The following CEP89 variants were observed in gnomAD, a reference collection of about 807,000 sequenced individuals.
CEP89 encodes the protein centrosomal protein 89.
Under a neutral mutation model 97.6 loss-of-function variants are expected in CEP89, and 95 were observed. The ratio of observed to expected loss-of-function variants is 0.97; its 90% CI spans 0.82 to 1.15. The LOEUF is 1.15. Among genes scored for constraint, CEP89 ranks in the 50% most tolerant of loss-of-function variants. CEP89 has a pLI of 0.00. For synonymous variants in CEP89, 354 were observed against 349.1 expected (o/e 1.01, Z -0.16); for missense variants, 869 against 947.7 (o/e 0.92, Z 1.09).
chr19:32,919,733 T>C (rs1286716101), intron 12 of CEP89, among the ~76,000 whole-genome samples: 2 of 152,164 alleles, frequency 1.3e-5, no homozygotes, highest in Non-Finnish European at 2.9e-5. Context: ...GGTGAAATCT[T>C]GGCCCACTGC....
intron 7 of CEP89, among the ~76,000 whole-genome samples, chr19:32,935,892 C>T (rs1016573700): frequency 6.6e-6 from 1 of 152,332 alleles, no homozygotes; most frequent in African/African-American, 2.4e-5. Context: ...CCTGATCCCA[C>T]TGCCTGGCTT....
At chr19:32,959,423 C>T (rs545769320) in intron 3 of CEP89, among the ~76,000 whole-genome samples, 1 of 152,190 alleles carries the variant, frequency 6.6e-6, no homozygotes, top group East Asian at 1.9e-4. Context: ...TCAGCTCAAA[C>T]CCAGGACAAG....
Position 32,906,732 on chromosome 19 carries a change from C to CATATA in CEP89, c.1566-5321_1566-5320insTATAT, listed in dbSNP as rs1367275579. ...TCATATATAGATATATATATAAATACTAATAGTTACATATATAAATATATA... is the reference window on the plus strand; with the variant it reads ...TCATATATAGATATATATATAAATACATATATAATAGTTACATATATAAATATATA... On this transcript the variant is annotated intron_variant, in intron 14 of 18. Transcript: ENST00000305768. Among the ~76,000 whole-genome samples, 8 of 148,950 alleles carry CATATA rather than the reference C, an allele frequency of 5.4e-5. No individual in the cohort carries two copies. In the South Asian group the frequency reaches 1.7e-3, roughly 31 times the overall value.
At chr19:32,931,324 C>A in intron 9 of CEP89, 105 bp downstream of exon 9, 1 of 1,076,636 alleles carries the variant, frequency 9.3e-7, no homozygotes. Context: ...CAGAGCTTTT[C>A]TTACATCAAA....
At chr19:32,957,950 T>C (rs1260776104) in intron 3 of CEP89, among the ~76,000 whole-genome samples, 1 of 151,972 alleles carries the variant, frequency 6.6e-6, no homozygotes, top group East Asian at 1.9e-4. Flanking sequence ...GAGCCATGAT[T>C]GTGCCATTGC....
intron 14 of CEP89, among the ~76,000 whole-genome samples, chr19:32,911,005 T>C (rs764036155): frequency 2.0e-5 from 3 of 152,270 alleles, no homozygotes; most frequent in Non-Finnish European, 4.4e-5. Flanking sequence ...TTATCAAGTA[T>C]TATGTACTGT....
At chr19:32,940,443 C>T (rs1022322889) in intron 5 of CEP89, among the ~76,000 whole-genome samples, 1 of 150,938 alleles carries the variant, frequency 6.6e-6, no homozygotes, top group Non-Finnish European at 1.5e-5. Flanking sequence ...CTCCCCATCA[C>T]GCTCCACACA....
intron 9 of CEP89, among the ~76,000 whole-genome samples, chr19:32,930,946 C>T (rs925591573): frequency 5.9e-5 from 9 of 151,914 alleles, no homozygotes; most frequent in Admixed American, 2.6e-4. Flanking sequence ...AGTGTAGTGG[C>T]GCAATCTCAG....
chr19:32,954,650 G>C (rs1971008308), intron 3 of CEP89, among the ~76,000 whole-genome samples: 1 of 151,450 alleles, frequency 6.6e-6, no homozygotes, highest in Non-Finnish European at 1.5e-5. Context: ...ACTGAGCCCA[G>C]CCTGTTGTTA....
chr19:32,913,319 G>T (rs1037891778), intron 14 of CEP89, among the ~76,000 whole-genome samples: 76 of 92,388 alleles, frequency 8.2e-4, no homozygotes, highest in African/African-American at 2.3e-3. Flanking sequence ...TTTTGTTGTT[G>T]TTGTTGTTGT....
chr19:32,934,303 G>A (rs1005583758), intron 7 of CEP89, among the ~76,000 whole-genome samples: 3 of 152,210 alleles, frequency 2.0e-5, no homozygotes, highest in African/African-American at 7.2e-5. Context: ...GGCAGCCTCT[G>A]CTGGGGAGAC....
chr19:32,906,474 T>C (rs1378436465), intron 14 of CEP89, among the ~76,000 whole-genome samples: 1 of 152,178 alleles, frequency 6.6e-6, no homozygotes, highest in Non-Finnish European at 1.5e-5. Context: ...CTATTATTGT[T>C]GTGCCTTTTA....
intron 17 of CEP89, among the ~76,000 whole-genome samples, chr19:32,887,014 C>CAA (rs1229953376): frequency 1.3e-5 from 1 of 76,508 alleles, no homozygotes; most frequent in African/African-American, 5.1e-5. Flanking sequence ...CATCTCTAAA[C>CAA]AAAAAAAAAA....
chr19:32,901,568 C>T (rs1352225373), intron 14 of CEP89, among the ~76,000 whole-genome samples, 156 bp from the exon 15 acceptor site: 1 of 152,016 alleles, frequency 6.6e-6, no homozygotes, highest in African/African-American at 2.4e-5. Context: ...CATCCTGGGC[C>T]CTAGAGGACC....
At chr19:32,938,366 G>A (rs1054270571) in intron 6 of CEP89, among the ~76,000 whole-genome samples, 6 of 152,080 alleles carry the variant, frequency 3.9e-5, no homozygotes, top group African/African-American at 1.4e-4. Context: ...ACTGGGATGG[G>A]CAAAAAGGAC....
At chr19:32,962,879 T>C (rs1027660215) in intron 2 of CEP89, among the ~76,000 whole-genome samples, 4 of 152,160 alleles carry the variant, frequency 2.6e-5, no homozygotes, top group African/African-American at 9.7e-5. Flanking sequence ...CAACTGAACA[T>C]GATCCTGAGT....
chr19:32,906,316 C>G (rs73571772), intron 14 of CEP89, among the ~76,000 whole-genome samples: 2,882 of 152,198 alleles, frequency 0.019, 89 homozygotes, highest in African/African-American at 0.067. Flanking sequence ...TTTTTACCCC[C>G]ATACTAGTTT....
rs144893030 is a variant in CEP89 at position 32,948,643 on chromosome 19, C to A, written c.493-275G>T. Among the ~76,000 whole-genome samples, 1,372 of 152,268 alleles carry A rather than the reference C, an allele frequency of 9.0e-3. 29 individuals carry two copies. Among genetic ancestry groups the A allele is most frequent in the African/African-American group, 0.031 (1,306 of 41,548 alleles). On this transcript the variant is annotated intron_variant, in intron 4 of 18. Coordinates refer to ENST00000305768, the MANE Select transcript of CEP89 (RefSeq NM_032816.5). ...AGAGCTCCACATCCCAGCCATGTTGCCAGGGCAGCTTCCCTTCCTCATCCC... is the reference window on the plus strand; with the variant it reads ...AGAGCTCCACATCCCAGCCATGTTGACAGGGCAGCTTCCCTTCCTCATCCC...
chr19:32,904,470 C>T lies in CEP89; in HGVS notation c.1566-3058G>A, dbSNP rs73926188. Among the ~76,000 whole-genome samples the T allele has an allele frequency of 6.5e-3, 995 of 152,300 alleles. 13 individuals carry two copies. Among genetic ancestry groups the T allele is most frequent in the African/African-American group, 0.023 (945 of 41,578 alleles). ...TTTCATAATTTTCCCAACGGAAGTA[C>T]TGTAAATCTTTCCACATCTATTTGT... On this transcript the variant is annotated intron_variant, in intron 14 of 18. Coordinates refer to ENST00000305768, the MANE Select transcript of CEP89 (RefSeq NM_032816.5).
Sources: gnomAD v4.1 joint callset for allele counts (sites outside exome capture counted in the v4.1 genomes callset) on GRCh38, gnomAD v4.1.1 for gene constraint, MANE v1.5 for transcripts, NCBI Gene and HGNC (gene_info 2026-07-23, HGNC 2026-07-21) for gene names.